The following WDHD1 variants were observed in gnomAD, a reference collection of about 807,000 sequenced individuals.
WDHD1 encodes WD repeat and HMG-box DNA binding protein 1, also known as WD repeat and HMG-box DNA-binding protein 1.
Under a neutral mutation model 135.4 loss-of-function variants are expected in WDHD1, and 111 were observed. The ratio of observed to expected loss-of-function variants is 0.82; its 90% CI spans 0.70 to 0.96. The LOEUF (loss-of-function observed/expected upper bound fraction) is 0.96, where lower values mean the gene tolerates loss of function less well. WDHD1 is among the 40% of genes least tolerant of loss of function. The pLI, the probability that WDHD1 is intolerant of heterozygous loss-of-function variation, is 0.00. For synonymous variants in WDHD1, 434 were observed against 439.0 expected (o/e 0.99, Z 0.14); for missense variants, 1,351 against 1,336.3 (o/e 1.01, Z -0.17).
At chr14:55,010,283 C>T in intron 4 of WDHD1, 26 bp downstream of exon 4, 2 of 1,537,846 alleles carry the variant, frequency 1.3e-6, no homozygotes, top group Non-Finnish European at 1.8e-6. Context: ...AACATTATTT[C>T]CTTTTCTGAT....
At chr14:54,952,364 C>T (rs113912754) in intron 24 of WDHD1, among the ~76,000 whole-genome samples, 1 of 152,078 alleles carries the variant, frequency 6.6e-6, no homozygotes, top group African/African-American at 2.4e-5. Flanking sequence ...AAACAGAGAG[C>T]CAAATCATGA....
chr14:54,981,777 C>A (rs1267210183), intron 15 of WDHD1, 81 bp from the exon 16 acceptor site: 4 of 824,184 alleles, frequency 4.9e-6, no homozygotes, highest in Admixed American at 5.6e-5. Flanking sequence ...TTATACATAC[C>A]AAGGATTCAA....
chr14:54,972,664 A>C (rs1219412935), intron 16 of WDHD1, among the ~76,000 whole-genome samples: 1 of 151,454 alleles, frequency 6.6e-6, no homozygotes, highest in African/African-American at 2.4e-5. Flanking sequence ...TTGTCAAAAA[A>C]GAGAAAAAAA....
chr14:54,943,259 G>A (rs905584067), intron 25 of WDHD1, among the ~76,000 whole-genome samples: 5 of 152,134 alleles, frequency 3.3e-5, no homozygotes, highest in African/African-American at 1.2e-4. Context: ...TGAAAGGCTG[G>A]AACAGAACAC....
At chr14:54,980,802 T>TAAAAA (rs375441329) in intron 16 of WDHD1, among the ~76,000 whole-genome samples, 1 of 83,594 alleles carries the variant, frequency 1.2e-5, no homozygotes, top group African/African-American at 4.8e-5. Flanking sequence ...AGACTCCACA[T>TAAAAA]AAAAAAAAAA....
Position 55,008,395 on chromosome 14 carries a change from T to C in WDHD1, c.454-29A>G, listed in dbSNP as rs755936617. On this transcript the variant is annotated intron_variant, in intron 5 of 25. Coordinates refer to ENST00000360586, the MANE Select transcript of WDHD1 (RefSeq NM_007086.4). Reference sequence around the variant, plus strand: ...CAGGAATAAACAATACATTTCTCTATAGTCATAGCCATAATACTACATGGA... The same window carrying C: ...CAGGAATAAACAATACATTTCTCTACAGTCATAGCCATAATACTACATGGA... 4 of 1,609,420 alleles carry C rather than the reference T, an allele frequency of 2.5e-6. No homozygotes were observed. In the East Asian group the frequency reaches 6.7e-5, roughly 27 times the overall value.
chr14:55,006,305 T>G (rs1031855468), intron 7 of WDHD1, among the ~76,000 whole-genome samples: 5 of 152,236 alleles, frequency 3.3e-5, no homozygotes, highest in African/African-American at 9.6e-5. Context: ...TGGTAGCATG[T>G]TAAAAGTTTC....
intron 15 of WDHD1, among the ~76,000 whole-genome samples, chr14:54,983,327 T>TAAAAA (rs1035176387): frequency 6.8e-6 from 1 of 148,142 alleles, no homozygotes; most frequent in East Asian, 2.0e-4. Context: ...AGTGCCACAT[T>TAAAAA]AAAAAAAAAA....
intron 16 of WDHD1, among the ~76,000 whole-genome samples, chr14:54,969,707 C>T (rs2041401323): frequency 6.6e-6 from 1 of 152,072 alleles, no homozygotes; most frequent in South Asian, 2.1e-4. Context: ...TCTATAAAGC[C>T]AGCATTATCC....
At chr14:54,942,411 A>G (rs1241955810) in intron 25 of WDHD1, among the ~76,000 whole-genome samples, 1 of 152,128 alleles carries the variant, frequency 6.6e-6, no homozygotes, top group Non-Finnish European at 1.5e-5. Context: ...CTATAGCCCA[A>G]CAATCACAAC....
intron 16 of WDHD1, among the ~76,000 whole-genome samples, chr14:54,972,345 A>C (rs1468485590): frequency 6.6e-6 from 1 of 151,064 alleles, no homozygotes; most frequent in Admixed American, 6.6e-5. Flanking sequence ...TTGAGGGGTG[A>C]GGCAGGCAGA....
intron 2 of WDHD1, among the ~76,000 whole-genome samples, chr14:55,022,300 T>C (rs2140234298): frequency 6.6e-6 from 1 of 152,142 alleles, no homozygotes; most frequent in African/African-American, 2.4e-5. Context: ...GGCCCGGGGG[T>C]TAGTAGCTTT....
Position 54,949,778 on chromosome 14 carries a change from G to A in WDHD1, c.3051-5308C>T, listed in dbSNP as rs1441233543. ...GTTACCCACAAAGGGAAGCCCATCA[G>A]ACTAACAGCTGATCTCTCGGCAGAA... On this transcript the variant is annotated intron_variant, in intron 24 of 25. Transcript: ENST00000360586. Among the ~76,000 whole-genome samples, 3 of 152,218 alleles carry A rather than the reference G, an allele frequency of 2.0e-5. 1 individual carries two copies. The highest frequency in any genetic ancestry group is 2.4e-5 in the African/African-American group (1 of 41,466).
At chr14:54,985,958 C>A (rs1262952289) in intron 14 of WDHD1, among the ~76,000 whole-genome samples, 1 of 152,126 alleles carries the variant, frequency 6.6e-6, no homozygotes, top group Non-Finnish European at 1.5e-5. Flanking sequence ...GGAAAAAAAT[C>A]AGTTTTTATT....
intron 25 of WDHD1, among the ~76,000 whole-genome samples, chr14:54,943,837 C>T (rs2040876202): frequency 6.6e-6 from 1 of 150,796 alleles, no homozygotes; most frequent in South Asian, 2.1e-4. Flanking sequence ...GAGAGGTTGT[C>T]TCTATAAAAA....
intron 16 of WDHD1, among the ~76,000 whole-genome samples, chr14:54,971,206 G>A (rs969232282): frequency 6.6e-6 from 1 of 152,130 alleles, no homozygotes; most frequent in African/African-American, 2.4e-5. Flanking sequence ...GTCCACAAAA[G>A]CAATTGCAAC....
intron 21 of WDHD1, among the ~76,000 whole-genome samples, chr14:54,961,587 A>G (rs1049054830): frequency 1.3e-5 from 2 of 152,096 alleles, no homozygotes; most frequent in Non-Finnish European, 2.9e-5. Flanking sequence ...TAAACACTCC[A>G]TGAGGCCTGC....
rs2042147726 is a variant in WDHD1 at position 55,010,299 on chromosome 14, A to C, written c.341+10T>G. 1 of 1,576,830 alleles carries C rather than the reference A, an allele frequency of 6.3e-7. No homozygotes were observed. The highest frequency in any genetic ancestry group is 1.2e-5 in the South Asian group (1 of 84,716). The stretch of plus-strand genomic sequence containing the variant: ...ACATTATTTCCTTTTCTGATGTCAA[A>C]GAGCCTTACCTAGATCCAGCAGCAA... On this transcript the variant is annotated intron_variant, in intron 4 of 25. Coordinates refer to ENST00000360586, the MANE Select transcript of WDHD1 (RefSeq NM_007086.4).
At chr14:55,008,416 A>C in intron 5 of WDHD1, 50 bp from the exon 6 acceptor site, 1 of 1,564,432 alleles carries the variant, frequency 6.4e-7, no homozygotes, top group Non-Finnish European at 8.7e-7. Context: ...ATAATACTAC[A>C]TGGAAAGTGG....
Sources: gnomAD v4.1 joint callset for allele counts (sites outside exome capture counted in the v4.1 genomes callset) on GRCh38, gnomAD v4.1.1 for gene constraint, MANE v1.5 for transcripts, NCBI Gene and HGNC (gene_info 2026-07-23, HGNC 2026-07-21) for gene names.